The following KCNAB1 variants were observed in gnomAD, a reference collection of about 807,000 sequenced individuals.
The protein encoded by KCNAB1 is potassium voltage-gated channel subfamily A regulatory beta subunit 1, also known as voltage-gated potassium channel subunit beta-1.
In KCNAB1, 35 loss-of-function variants were observed where a neutral mutation model predicts 64.6. The ratio of observed to expected loss-of-function variants is 0.54; its 90% CI spans 0.41 to 0.72. KCNAB1 has a LOEUF of 0.72. KCNAB1 is among the 30% of genes least tolerant of loss of function. KCNAB1 has a pLI of 0.00. For synonymous variants in KCNAB1, 177 were observed against 183.8 expected (o/e 0.96, Z 0.30); for missense variants, 401 against 512.9 (o/e 0.78, Z 2.11).
intron 1 of KCNAB1, among the ~76,000 whole-genome samples, chr3:156,238,308 G>A (rs1018812679): frequency 6.6e-6 from 1 of 151,668 alleles, no homozygotes; most frequent in East Asian, 2.0e-4. Flanking sequence ...TGTAGTCCCA[G>A]CTCCTCGGGA....
intron 1 of KCNAB1, among the ~76,000 whole-genome samples, chr3:156,377,170 A>G (rs56413801): frequency 0.016 from 2,458 of 152,242 alleles, 21 homozygotes; most frequent in Non-Finnish European, 0.026. Flanking sequence ...TTGGCTTCAA[A>G]GACATGGAGA....
intron 1 of KCNAB1, 106 bp downstream of exon 1, chr3:156,120,992 A>G (rs781523887): frequency 5.1e-6 from 7 of 1,365,326 alleles, no homozygotes; most frequent in African/African-American, 1.4e-5. Flanking sequence ...TAACGGCTCT[A>G]ATTGCCTTAG....
chr3:156,457,565 G>A (rs2108288128), intron 4 of KCNAB1, 33 bp downstream of exon 4: 1 of 1,552,436 alleles, frequency 6.4e-7, no homozygotes, highest in Non-Finnish European at 8.9e-7. Flanking sequence ...CACTCAAATG[G>A]CATCTGTAGC....
chr3:156,373,551 C>A (rs902587676), intron 1 of KCNAB1, among the ~76,000 whole-genome samples: 16 of 152,150 alleles, frequency 1.1e-4, no homozygotes, highest in African/African-American at 3.6e-4. Context: ...CCTGTAAATA[C>A]CCTTTTAACA....
intron 8 of KCNAB1, among the ~76,000 whole-genome samples, chr3:156,500,711 C>A (rs1489360968): frequency 1.3e-5 from 2 of 152,058 alleles, no homozygotes; most frequent in Non-Finnish European, 2.9e-5. Context: ...TCAAATAAAC[C>A]TACAGAGTAG....
intron 1 of KCNAB1, among the ~76,000 whole-genome samples, chr3:156,404,558 C>T (rs758738707): frequency 6.6e-6 from 1 of 152,196 alleles, no homozygotes; most frequent in African/African-American, 2.4e-5. Flanking sequence ...AACCTTTTCA[C>T]ATGCTTTATC....
In KCNAB1 at chr3:156,214,767, T is replaced by C. The variant is rs142413752; in HGVS notation, c.275+93881T>C. ...ACAGCTCAATTGAAGCCAAAACTAA[T>C]TTCTCAAAACTTCTGATCTAGTCAT... On this transcript the variant is annotated intron_variant, in intron 1 of 13. Coordinates refer to ENST00000490337, the MANE Select transcript of KCNAB1 (RefSeq NM_172160.3). Among the ~76,000 whole-genome samples the C allele has an allele frequency of 9.0e-3, 1,376 of 152,318 alleles. 33 individuals are homozygous for C. Among genetic ancestry groups the C allele is most frequent in the African/African-American group, 0.031 (1,275 of 41,548 alleles).
chr3:156,472,586 G>GAT (rs1714003752), intron 7 of KCNAB1, among the ~76,000 whole-genome samples: 1 of 152,030 alleles, frequency 6.6e-6, no homozygotes. Context: ...AGGGATCACT[G>GAT]GCCTCAGATA....
intron 1 of KCNAB1, among the ~76,000 whole-genome samples, chr3:156,160,382 A>C (rs1333407787): frequency 1.3e-5 from 2 of 152,210 alleles, no homozygotes; most frequent in African/African-American, 4.8e-5. Context: ...GAACAACTAT[A>C]AAACATGTAA....
chr3:156,142,516 A>G (rs941316080), intron 1 of KCNAB1, among the ~76,000 whole-genome samples: 2 of 152,184 alleles, frequency 1.3e-5, no homozygotes, highest in Non-Finnish European at 2.9e-5. Context: ...TTGCTCCAGC[A>G]CCATTTGATG....
chr3:156,397,956 A>G (rs1479628635), intron 1 of KCNAB1, among the ~76,000 whole-genome samples: 1 of 152,226 alleles, frequency 6.6e-6, no homozygotes, highest in African/African-American at 2.4e-5. Flanking sequence ...GATATTTTCC[A>G]ATTGCTTTCA....
At chr3:156,341,958 C>T (rs1265124629) in intron 1 of KCNAB1, among the ~76,000 whole-genome samples, 1 of 152,056 alleles carries the variant, frequency 6.6e-6, no homozygotes, top group Non-Finnish European at 1.5e-5. Context: ...ATTTAAAAAA[C>T]AGTACCAGGA....
chr3:156,260,665 A>G (rs1189950656), intron 1 of KCNAB1, among the ~76,000 whole-genome samples: 1 of 152,144 alleles, frequency 6.6e-6, no homozygotes, highest in Non-Finnish European at 1.5e-5. Flanking sequence ...TCCATTTGCC[A>G]TTTGATGGAC....
chr3:156,513,660 G>C (rs1041795838), intron 8 of KCNAB1, among the ~76,000 whole-genome samples: 2 of 152,222 alleles, frequency 1.3e-5, no homozygotes, highest in African/African-American at 2.4e-5. Flanking sequence ...TTCCTGTTTA[G>C]GAAATGTGAT....
Position 156,515,240 on chromosome 3 carries a change from C to A in KCNAB1, c.865+20C>A. The stretch of plus-strand genomic sequence containing the variant: ...AAATAGGTAATCTTCAAAATAAAAG[C>A]TACTGAGTATTTTTAACAAGAGAAA... On this transcript the variant is annotated intron_variant, in intron 10 of 13. Coordinates refer to ENST00000490337, the MANE Select transcript of KCNAB1 (RefSeq NM_172160.3). The A allele has an allele frequency of 6.3e-7, 1 of 1,589,160 alleles. No homozygotes were observed. The highest frequency in any genetic ancestry group is 8.5e-7 in the Non-Finnish European group (1 of 1,169,748).
At chr3:156,514,298 G>A in intron 8 of KCNAB1, 66 bp from the exon 9 acceptor site, 1 of 1,285,908 alleles carries the variant, frequency 7.8e-7, no homozygotes, top group Non-Finnish European at 1.1e-6. Flanking sequence ...GGCTAGAGGA[G>A]TAAAAATCGC....
chr3:156,480,822 C>T (rs975782548), intron 8 of KCNAB1, among the ~76,000 whole-genome samples: 2 of 152,044 alleles, frequency 1.3e-5, no homozygotes, highest in Non-Finnish European at 1.5e-5. Context: ...TACTTGACCA[C>T]GCAGGCTTAT....
chr3:156,443,360 A>AC (rs547870373), intron 2 of KCNAB1, among the ~76,000 whole-genome samples: 14 of 152,176 alleles, frequency 9.2e-5, no homozygotes, highest in Non-Finnish European at 1.0e-4. Context: ...TTTAGAGCAA[A>AC]CCTGGGCCAT....
At chr3:156,291,499 A>G in intron 1 of KCNAB1, 1 of 1,061,540 alleles carries the variant, frequency 9.4e-7, no homozygotes, top group South Asian at 3.3e-5. Flanking sequence ...GCCCGCATTC[A>G]GACACCGCGG....
Sources: gnomAD v4.1 joint callset for allele counts (sites outside exome capture counted in the v4.1 genomes callset) on GRCh38, gnomAD v4.1.1 for gene constraint, MANE v1.5 for transcripts, NCBI Gene and HGNC (gene_info 2026-07-23, HGNC 2026-07-21) for gene names.